The following ELF3 variants were observed in gnomAD, a reference collection of about 807,000 sequenced individuals.
ELF3 encodes E74 like ETS transcription factor 3.
In ELF3, 18 loss-of-function variants were observed where a neutral mutation model predicts 43.9. The observed-to-expected ratio is 0.41, with a 90% CI of 0.28 to 0.61. The LOEUF (loss-of-function observed/expected upper bound fraction) is 0.61, where lower values mean the gene tolerates loss of function less well. Among genes scored for constraint, ELF3 ranks in the 20% least tolerant of loss-of-function variants. The pLI, the probability that ELF3 is intolerant of heterozygous loss-of-function variation, is 0.30. For missense variants in ELF3, 373 were observed against 487.7 expected (o/e 0.76, Z 2.21); for synonymous variants, 181 against 190.2 (o/e 0.95, Z 0.40).
At position 202,012,896 on chromosome 1, in the gene ELF3, G is replaced by A. The variant is rs375308477; in HGVS notation, c.599-51G>A. ...GTGTGTCCTGAGAGCCAGCAGCGTG[G>A]TTGAGCAGAGGGTGGGCCGGCAGGG... On this transcript the variant is annotated intron_variant, in intron 5 of 8. Transcript: ENST00000367284. The surrounding 1 kb of genome is among the most constrained non-coding windows in gnomAD (Gnocchi z 4.2). 1.5e-4 allele frequency: 241 copies of A among 1,576,562 alleles called. No homozygotes were observed. Among genetic ancestry groups the A allele is most frequent in the Non-Finnish European group, 1.8e-4 (210 of 1,162,986 alleles).
rs368401300 is a variant in ELF3, at chr1:202,013,043, C to T, written c.688+7C>T. The T allele has an allele frequency of 1.7e-5, 27 of 1,610,952 alleles. No individual in the cohort carries two copies. Among genetic ancestry groups the T allele is most frequent in the Non-Finnish European group, 2.2e-5 (26 of 1,178,562 alleles). ...GGCAAGCTCTTCCCCAGCGGTGAGT[C>T]GAGGGAGGTCCCCAAGAGGGCGTCC... is the stretch of plus-strand genomic sequence containing the variant. On this transcript the variant is annotated splice_region_variant and intron_variant, in intron 6 of 8. Transcript: ENST00000367284. This position sits in a 1 kb window ranked among gnomAD's most constrained non-coding sequence, Gnocchi z 5.7.
intron 1 of ELF3, 84 bp from the exon 2 acceptor site, chr1:202,011,045 G>A (rs570343769): frequency 2.4e-4 from 362 of 1,510,486 alleles, no homozygotes; most frequent in Non-Finnish European, 2.2e-4. Context: ...CTTGCCCAGG[G>A]TTGGGCAAAG....
rs1684224810 is a variant in ELF3 at position 202,012,455 on chromosome 1, C to T, written c.478+19C>T. Reference sequence around the variant, plus strand: ...CCCTTTGGTGAGAACCCGTTTTCTCCTTCCTTCCCCAGCCTGTCTTGTCCC... The same window carrying T: ...CCCTTTGGTGAGAACCCGTTTTCTCTTTCCTTCCCCAGCCTGTCTTGTCCC... On this transcript the variant is annotated intron_variant, in intron 4 of 8. Coordinates refer to ENST00000367284, the MANE Select transcript of ELF3 (RefSeq NM_004433.5). This position sits in a 1 kb window ranked among gnomAD's most constrained non-coding sequence, Gnocchi z 4.2. 1 of 1,612,598 alleles carries T rather than the reference C, an allele frequency of 6.2e-7. No individual in the cohort carries two copies. Among genetic ancestry groups the T allele is most frequent in the Non-Finnish European group, 8.5e-7 (1 of 1,179,176 alleles).
In ELF3 at chr1:202,012,785, C is replaced by T. The variant is rs1286552884; in HGVS notation, c.598+26C>T. The T allele has an allele frequency of 1.9e-6, 3 of 1,539,072 alleles. No individual in the cohort carries two copies. In the South Asian group the frequency reaches 3.8e-5, roughly 19 times the overall value. On this transcript the variant is annotated intron_variant, in intron 5 of 8. Coordinates refer to ENST00000367284, the MANE Select transcript of ELF3 (RefSeq NM_004433.5). This position sits in a 1 kb window ranked among gnomAD's most constrained non-coding sequence, Gnocchi z 4.2. ...GTGAGAGCTCTCTCTGGGCCACAAC[C>T]TCCCTTCCCCGAAGTGTCCCTTGTT... is the stretch of plus-strand genomic sequence containing the variant.
At chr1:202,011,913 T>C (rs1158592212) in intron 2 of ELF3, 44 bp from the exon 3 acceptor site, 3 of 1,577,644 alleles carry the variant, frequency 1.9e-6, no homozygotes, top group East Asian at 2.3e-5. Flanking sequence ...TAAGGTCTGC[T>C]GGGTGGCCTG....
At position 202,013,339 on chromosome 1, in the gene ELF3, G is replaced by A. The variant is rs1381181474; in HGVS notation, c.805+41G>A. On this transcript the variant is annotated intron_variant, in intron 7 of 8. Transcript: ENST00000367284. This position sits in a 1 kb window ranked among gnomAD's most constrained non-coding sequence, Gnocchi z 5.7. ...ACGTGGGTCCTCCCTGCGCCGGGCT[G>A]AGCGGCTTCCTGGGGCACTGCGGGT... The A allele has an allele frequency of 2.5e-6, 4 of 1,592,776 alleles. No homozygotes were observed. The South Asian group carries it at 3.3e-5, about 13-fold the overall frequency.
chr1:202,012,524 G>T lies in ELF3; in HGVS notation c.478+88G>T. On this transcript the variant is annotated intron_variant, in intron 4 of 8. Coordinates refer to ENST00000367284, the MANE Select transcript of ELF3 (RefSeq NM_004433.5). The surrounding 1 kb of genome is among the most constrained non-coding windows in gnomAD (Gnocchi z 4.2). ...AGTGCTAGAGATGACCCCCTCCCCA[G>T]ACTTCTTCCTCCCTCAATTAGAAAA... The T allele has an allele frequency of 6.4e-7, 1 of 1,563,094 alleles. No homozygotes were observed.
chr1:202,011,760 C>T (rs1230954824), intron 2 of ELF3, 197 bp from the exon 3 acceptor site: 2 of 603,704 alleles, frequency 3.3e-6, no homozygotes, highest in Non-Finnish European at 5.8e-6. Flanking sequence ...ACCTATAATC[C>T]CAGCTACTGG....
chr1:202,015,161 G>A, intron 8 of ELF3, 48 bp from the exon 9 acceptor site: 1 of 1,602,346 alleles, frequency 6.2e-7, no homozygotes, highest in South Asian at 1.1e-5. Context: ...GGCAGCCTGG[G>A]GCCCATTTCC....
chr1:202,012,213 C>T lies in ELF3; in HGVS notation c.385+35C>T. 6.2e-7 allele frequency: 1 copy of T among 1,609,224 alleles called. No homozygotes were observed. ...GGCCCCTGGAGGCTGGGGAGCAGCT[C>T]CACATGTTGAGCTGAGTCGAGTTCA... On this transcript the variant is annotated intron_variant, in intron 3 of 8. Coordinates refer to ENST00000367284, the MANE Select transcript of ELF3 (RefSeq NM_004433.5). This position sits in a 1 kb window ranked among gnomAD's most constrained non-coding sequence, Gnocchi z 4.2.
rs755814008 is a variant in ELF3, at chr1:202,013,702, C to T, written c.806-127C>T. The T allele has an allele frequency of 5.3e-5, 55 of 1,041,824 alleles. No homozygotes were observed. Among genetic ancestry groups the T allele is most frequent in the Non-Finnish European group, 7.2e-5 (52 of 723,094 alleles). 64.5% of individuals were successfully genotyped at this position (1,041,824 alleles called of 1,614,324 possible). A position where few individuals can be genotyped will look rare whatever the true frequency, so the allele number is the denominator to read the frequency against. Reference sequence around the variant, plus strand: ...TGCAGTACCCGCACAGAGGGCACTGCGGGGTCTCTGGAGAGGCTTGCTGCA... The same window carrying T: ...TGCAGTACCCGCACAGAGGGCACTGTGGGGTCTCTGGAGAGGCTTGCTGCA... On this transcript the variant is annotated intron_variant, in intron 7 of 8. Coordinates refer to ENST00000367284, the MANE Select transcript of ELF3 (RefSeq NM_004433.5). The surrounding 1 kb of genome is among the most constrained non-coding windows in gnomAD (Gnocchi z 5.7).
chr1:202,013,119 G>C lies in ELF3; in HGVS notation c.689-63G>C. 6.2e-7 allele frequency: 1 copy of C among 1,604,474 alleles called. No individual in the cohort carries two copies. ...GCTCTTCCTGCAGCCTTTTCCTGTA[G>C]AGGGGCTACTCTCCCTAACTCCCCT... is the stretch of plus-strand genomic sequence containing the variant. On this transcript the variant is annotated intron_variant, in intron 6 of 8. Coordinates refer to ENST00000367284, the MANE Select transcript of ELF3 (RefSeq NM_004433.5). This position sits in a 1 kb window ranked among gnomAD's most constrained non-coding sequence, Gnocchi z 5.7.
Position 202,013,935 on chromosome 1 carries a change from G to A in ELF3, c.912G>A (p.Lys304=), listed in dbSNP as rs746173585. Residue 304 remains lysine (K), a synonymous_variant, in exon 8 of 9, where the codon AAG becomes AAA. Transcript: ENST00000367284. This position sits in a 1 kb window ranked among gnomAD's most constrained non-coding sequence, Gnocchi z 5.7. ...AGAATCGGCATGAAGGCGTCTTCAA[G>A]TTCCTGCGCTCCGAGGCTGTGGCCC... is the stretch of plus-strand genomic sequence containing the variant. ...KWENRHEGVF[K]FLRSEAVAQL... 1 of 1,614,172 alleles carries A rather than the reference G, an allele frequency of 6.2e-7. No homozygotes were observed. Among genetic ancestry groups the A allele is most frequent in the Non-Finnish European group, 8.5e-7 (1 of 1,180,008 alleles).
rs1684184786 is a variant in ELF3, at chr1:202,011,183, G to A, written c.47G>A (p.Ser16Asn). 5.6e-6 allele frequency: 9 copies of A among 1,614,138 alleles called. No homozygotes were observed. Among genetic ancestry groups the A allele is most frequent in the Non-Finnish European group, 7.6e-6 (9 of 1,180,016 alleles). Residue 16 changes from serine to asparagine, a missense_variant, in exon 2 of 9, where the codon AGT becomes AAT. By Grantham distance (46) the Ser-to-Asn change is conservative (BLOSUM62 1). Around this residue, in one of 3 missense-constraint regions of ELF3, gnomAD observed 311 missense variants for 351.2 expected, o/e 0.89. Coordinates refer to ENST00000367284, the MANE Select transcript of ELF3 (RefSeq NM_004433.5). ...EISNIFSNYF[S>N]AMYSSEDSTL... ...AGCAACATTTTTAGCAACTACTTCA[G>A]TGCGATGTACAGCTCGGAGGACTCC... is the stretch of plus-strand genomic sequence containing the variant.
chr1:202,015,100 G>C, intron 8 of ELF3, 109 bp from the exon 9 acceptor site: 1 of 1,034,948 alleles, frequency 9.7e-7, no homozygotes, highest in Non-Finnish European at 1.5e-6. Context: ...GTCAGGCAGA[G>C]ACCAGTGGGC....
Position 202,013,404 on chromosome 1 carries a change from C to A in ELF3, c.805+106C>A, listed in dbSNP as rs1684252350. On this transcript the variant is annotated intron_variant, in intron 7 of 8. Coordinates refer to ENST00000367284, the MANE Select transcript of ELF3 (RefSeq NM_004433.5). This position sits in a 1 kb window ranked among gnomAD's most constrained non-coding sequence, Gnocchi z 5.7. ...CTTCTCCCGTTTTCTCTGGCCTCCG[C>A]ATGGCCTTTGGTAAGGCTGTGCACA... 1 of 1,169,036 alleles carries A rather than the reference C, an allele frequency of 8.6e-7. No homozygotes were observed. Among genetic ancestry groups the A allele is most frequent in the South Asian group, 1.4e-5 (1 of 71,418 alleles). The allele number at this position is 1,169,036 out of a possible 1,614,324, so 72.4% of individuals were successfully genotyped here.
chr1:202,013,744 G>A lies in ELF3; in HGVS notation c.806-85G>A, dbSNP rs1344451286. 2.5e-5 allele frequency: 36 copies of A among 1,445,652 alleles called. No individual in the cohort carries two copies. The highest frequency in any genetic ancestry group is 3.2e-5 in the Non-Finnish European group (34 of 1,071,978). 89.6% of individuals were successfully genotyped at this position (1,445,652 alleles called of 1,614,324 possible). ...CTTGCTGCATGCTGTGGCCAAGTCA[G>A]CAGTGCACTGGGGCGGGCAGGGCTG... On this transcript the variant is annotated intron_variant, in intron 7 of 8. Transcript: ENST00000367284. This position sits in a 1 kb window ranked among gnomAD's most constrained non-coding sequence, Gnocchi z 5.7.
In ELF3 at chr1:202,015,402, A is replaced by G. The variant is rs1684291243; in HGVS notation, c.*79A>G. 5 of 1,384,772 alleles carry G rather than the reference A, an allele frequency of 3.6e-6. No individual in the cohort carries two copies. The Admixed American group carries it at 5.6e-5, about 15-fold the overall frequency. 85.8% of individuals were successfully genotyped at this position (1,384,772 alleles called of 1,614,324 possible). A position where few individuals can be genotyped will look rare whatever the true frequency, so the allele number is the denominator to read the frequency against. ...CTTCCTGGGAGGACAGGCAGGCCAG[A>G]TGGCCCCTCCACTGGGGAATGCTCC... On this transcript the variant is annotated 3_prime_UTR_variant, in exon 9 of 9. Transcript: ENST00000367284.
intron 2 of ELF3, chr1:202,011,697 C>A (rs879390842): frequency 7.8e-6 from 4 of 510,734 alleles, no homozygotes; most frequent in Non-Finnish European, 7.0e-6. Flanking sequence ...CATGGTGAAA[C>A]CCCGTCTCTA....
Sources: gnomAD v4.1 joint callset for allele counts on GRCh38, gnomAD v4.1.1 for gene constraint, gnomAD v4.1.1 regional missense constraint, Gnocchi (gnomAD v3.1) non-coding constraint, MANE v1.5 for transcripts, NCBI Gene and HGNC (gene_info 2026-07-23, HGNC 2026-07-21) for gene names.